The following DNAI4 variants were observed in gnomAD, a reference collection of about 807,000 sequenced individuals.
DNAI4 encodes WD repeat domain 78.
In DNAI4, 85 loss-of-function variants were observed where a neutral mutation model predicts 105.8. The observed-to-expected ratio is 0.80, with a 90% CI of 0.67 to 0.96. The LOEUF is 0.96. DNAI4 is among the 40% of genes least tolerant of loss of function. DNAI4 has a pLI of 0.00. For missense variants in DNAI4, 1,014 were observed against 1,005.6 expected, an observed-to-expected ratio of 1.01 and a Z score of -0.11; for synonymous variants, 352 against 331.5, an observed-to-expected ratio of 1.06 and a Z score of -0.67.
At chr1:66,923,918 A>G (rs1650827197) in intron 1 of DNAI4, among the ~76,000 whole-genome samples, 2 of 152,242 alleles carry the variant, frequency 1.3e-5, no homozygotes, top group South Asian at 2.1e-4. Context: ...CAACTGCTGC[A>G]TAACAACAGA....
chr1:66,885,465 G>A (rs147968209), intron 4 of DNAI4, among the ~76,000 whole-genome samples: 3 of 152,132 alleles, frequency 2.0e-5, no homozygotes. Flanking sequence ...TAGAATTATA[G>A]AATGCCAGTT....
At chr1:66,859,910 A>ATT (rs1294714550) in intron 7 of DNAI4, among the ~76,000 whole-genome samples, 3 of 152,172 alleles carry the variant, frequency 2.0e-5, no homozygotes, top group Admixed American at 1.3e-4. Flanking sequence ...GCCGTTATGC[A>ATT]TTTGTTAAAA....
Position 66,893,282 on chromosome 1 carries a change from G to A in DNAI4, c.477C>T (p.Ser159=). The A allele has an allele frequency of 1.2e-6, 2 of 1,610,182 alleles. No individual in the cohort carries two copies. Among genetic ancestry groups the A allele is most frequent in the Non-Finnish European group, 1.7e-6 (2 of 1,178,054 alleles). The part of the protein sequence containing the change: ...EGSLGSEFIS[S]YSLYQNTINP... ...TTATTGTATTCTGATAAAGGCTATA[G>A]GAAGATATAAATTCTGATCCAAGTG... is the stretch of plus-strand genomic sequence containing the variant. Residue 159 remains serine (S), a synonymous_variant, in exon 3 of 17, where the codon TCC becomes TCT. Coordinates refer to ENST00000371026, the MANE Select transcript of DNAI4 (RefSeq NM_024763.5).
intron 7 of DNAI4, among the ~76,000 whole-genome samples, chr1:66,853,667 G>A (rs1646442129): frequency 6.6e-6 from 1 of 152,098 alleles, no homozygotes; most frequent in African/African-American, 2.4e-5. Context: ...TAAACCCCCA[G>A]GCCTAGGGTA....
chr1:66,894,233 C>CA (rs1648118126), intron 2 of DNAI4, among the ~76,000 whole-genome samples: 1 of 152,028 alleles, frequency 6.6e-6, no homozygotes, highest in African/African-American at 2.4e-5. Context: ...TTACTGCCCC[C>CA]AAAAAACCTT....
At chr1:66,882,600 C>A (rs919078588) in intron 4 of DNAI4, among the ~76,000 whole-genome samples, 1 of 151,726 alleles carries the variant, frequency 6.6e-6, no homozygotes, top group African/African-American at 2.4e-5. Flanking sequence ...ATTGAATTGC[C>A]TTTGTATTTT....
At chr1:66,919,353 T>G (rs1650295528) in intron 1 of DNAI4, among the ~76,000 whole-genome samples, 3 of 152,186 alleles carry the variant, frequency 2.0e-5, no homozygotes, top group African/African-American at 7.2e-5. Flanking sequence ...AATCTCACAT[T>G]AACTCATAAA....
chr1:66,814,585 G>A (rs111858780), intron 16 of DNAI4, among the ~76,000 whole-genome samples: 28 of 152,236 alleles, frequency 1.8e-4, no homozygotes, highest in East Asian at 5.8e-4. Context: ...AGCTAGGATG[G>A]TCTCGATCTC....
intron 9 of DNAI4, among the ~76,000 whole-genome samples, chr1:66,840,245 A>C (rs557585709): frequency 1.3e-5 from 2 of 152,224 alleles, no homozygotes; most frequent in East Asian, 1.9e-4. Context: ...AATGTTTTAC[A>C]TATTAAATGT....
At chr1:66,920,779 T>C (rs753123236) in intron 1 of DNAI4, among the ~76,000 whole-genome samples, 3 of 152,196 alleles carry the variant, frequency 2.0e-5, no homozygotes, top group African/African-American at 7.2e-5. Context: ...TGGAAAGAAC[T>C]GCAAGGCTGA....
At chr1:66,912,758 G>T (rs1224835767) in intron 1 of DNAI4, among the ~76,000 whole-genome samples, 1 of 152,144 alleles carries the variant, frequency 6.6e-6, no homozygotes, top group Admixed American at 6.5e-5. Flanking sequence ...TCAAATTTTT[G>T]GGGTTCACAT....
Position 66,890,035 on chromosome 1 carries a change from G to A in DNAI4, c.643+1119C>T, listed in dbSNP as rs1010472089. ...TTGTCTGCAATTAGAAGCTGAATTT[G>A]GTGGCTCACACTGATAATCCCAGTA... On this transcript the variant is annotated intron_variant, in intron 4 of 16. Coordinates refer to ENST00000371026, the MANE Select transcript of DNAI4 (RefSeq NM_024763.5). This position sits in a 1 kb window ranked among gnomAD's most constrained non-coding sequence, Gnocchi z 4.1. 1.7e-4 allele frequency: 26 copies of A among 152,172 alleles called. No homozygotes were observed. Among genetic ancestry groups the A allele is most frequent in the African/African-American group, 5.1e-4 (21 of 41,442 alleles). 9.4% of individuals were successfully genotyped at this position (152,172 alleles called of 1,614,324 possible).
At chr1:66,841,970 C>G (rs1489849814) in intron 8 of DNAI4, among the ~76,000 whole-genome samples, 1 of 152,312 alleles carries the variant, frequency 6.6e-6, no homozygotes, top group East Asian at 1.9e-4. Flanking sequence ...TAAAAATCTT[C>G]TGTGTTCTTC....
chr1:66,859,643 T>C (rs900904291), intron 7 of DNAI4, among the ~76,000 whole-genome samples: 4 of 152,072 alleles, frequency 2.6e-5, no homozygotes, highest in Admixed American at 1.3e-4. Context: ...TGTTAAGCCA[T>C]GAAAAAACAT....
chr1:66,923,784 G>A (rs989636785), intron 1 of DNAI4, among the ~76,000 whole-genome samples: 10 of 152,180 alleles, frequency 6.6e-5, no homozygotes, highest in Non-Finnish European at 1.3e-4. Flanking sequence ...TTGGAGAGGG[G>A]AAGAGAAAAC....
At chr1:66,818,381 AT>A (rs1253731488) in intron 16 of DNAI4, among the ~76,000 whole-genome samples, 1 of 152,064 alleles carries the variant, frequency 6.6e-6, no homozygotes, top group Non-Finnish European at 1.5e-5. Context: ...AATATATTAA[AT>A]TTATAAATGA....
Position 66,840,583 on chromosome 1 carries a change from T to A in DNAI4, c.1380A>T (p.Glu460Asp). ...GTATTGTTGATTCTTCTGCATGTAT[T>A]TCTTCTTCCTCCTCCTTCTTAGATT... ...EEESKKEEEE[E>D]IHAEESTIPA... Residue 460 changes from glutamate to aspartate, a missense_variant, in exon 9 of 17, where the codon GAA becomes GAT. Physicochemically the swap from Glu to Asp is conservative, Grantham distance 45. Coordinates refer to ENST00000371026, the MANE Select transcript of DNAI4 (RefSeq NM_024763.5). 1 of 1,614,208 alleles carries A rather than the reference T, an allele frequency of 6.2e-7. No homozygotes were observed. Among genetic ancestry groups the A allele is most frequent in the South Asian group, 1.1e-5 (1 of 91,076 alleles).
chr1:66,854,628 C>T (rs1199232132), intron 7 of DNAI4, among the ~76,000 whole-genome samples: 3 of 151,966 alleles, frequency 2.0e-5, no homozygotes. Context: ...ATGGTGAAAC[C>T]CCGTCACTAT....
At chr1:66,835,880 CAGAGT>C in intron 10 of DNAI4, 103 bp from the exon 11 acceptor site, 1 of 955,560 alleles carries the variant, frequency 1.0e-6, no homozygotes, top group Non-Finnish European at 1.6e-6. Context: ...GGTATGTGAG[CAGAGT>C]TAGCCCACAT....
Sources: allele counts gnomAD v4.1 joint callset (sites outside exome capture counted in the v4.1 genomes callset), GRCh38; gene constraint gnomAD v4.1.1; non-coding constraint Gnocchi (gnomAD v3.1); transcripts MANE v1.5; gene names NCBI Gene and HGNC (gene_info 2026-07-23, HGNC 2026-07-21).